The following EYS variants were observed in gnomAD, a reference collection of about 807,000 sequenced individuals.
EYS encodes the protein EGF-like photoreceptor maintenance factor.
EYS carries 250 observed loss-of-function variants against 282.1 expected under a neutral mutation model. That is an observed-to-expected ratio of 0.89 (90% confidence interval 0.80 to 0.98). The LOEUF is 0.98. Ranked by LOEUF, EYS falls within the 50% of genes least tolerant of loss-of-function variation. The pLI, the probability that EYS is intolerant of heterozygous loss-of-function variation, is 0.00. For synonymous variants in EYS, 1,355 were observed against 1,282.9 expected (o/e 1.06, Z -1.20); for missense variants, 4,016 against 3,709.0 (o/e 1.08, Z -2.15).
chr6:65,007,698 C>G (rs1346204832), intron 13 of EYS, among the ~76,000 whole-genome samples: 6 of 151,940 alleles, frequency 3.9e-5, no homozygotes, highest in Non-Finnish European at 8.8e-5. Context: ...GATAAATAAA[C>G]AATTAACCAA....
chr6:65,032,219 T>C (rs1263487853), intron 13 of EYS, among the ~76,000 whole-genome samples: 1 of 152,096 alleles, frequency 6.6e-6, no homozygotes, highest in Non-Finnish European at 1.5e-5. Flanking sequence ...AACAGAGTAA[T>C]AATAATGAGA....
At chr6:64,531,176 A>T (rs1764321200) in intron 26 of EYS, among the ~76,000 whole-genome samples, 1 of 152,200 alleles carries the variant, frequency 6.6e-6, no homozygotes, top group South Asian at 2.1e-4. Flanking sequence ...TTAATAAGTA[A>T]AATTAAAAGA....
At chr6:64,941,178 C>T (rs748408945) in intron 15 of EYS, among the ~76,000 whole-genome samples, 6 of 151,800 alleles carry the variant, frequency 4.0e-5, no homozygotes, top group African/African-American at 9.7e-5. Context: ...ATCAGGAGTT[C>T]GAGACCAGCC....
chr6:65,022,692 T>A lies in EYS; in HGVS notation c.2138-24989A>T, dbSNP rs953617268. 2.0e-5 allele frequency among the ~76,000 whole-genome samples: 3 copies of A among 148,960 alleles called. No homozygotes were observed. The East Asian group carries it at 5.8e-4, about 29-fold the overall frequency. On this transcript the variant is annotated intron_variant, in intron 13 of 42. Coordinates refer to ENST00000503581, the MANE Select transcript of EYS (RefSeq NM_001142800.2). The stretch of plus-strand genomic sequence containing the variant: ...TAAAACTAAATATATTATATATTAA[T>A]ATATATTATTTTTTAAACATAAATA...
At chr6:65,656,371 CCAAA>C (rs1767827842) in intron 1 of EYS, among the ~76,000 whole-genome samples, 1 of 151,820 alleles carries the variant, frequency 6.6e-6, no homozygotes, top group Non-Finnish European at 1.5e-5. Flanking sequence ...GCCTCTTGCA[CCAAA>C]CAGTTAACCA....
At chr6:64,922,632 C>T (rs950933718) in intron 15 of EYS, among the ~76,000 whole-genome samples, 6 of 152,134 alleles carry the variant, frequency 3.9e-5, no homozygotes, top group Admixed American at 6.5e-5. Context: ...AAATTAAATG[C>T]CAGTATTCAC....
intron 22 of EYS, among the ~76,000 whole-genome samples, chr6:64,727,011 C>A (rs952462085): frequency 1.3e-5 from 2 of 152,130 alleles, no homozygotes; most frequent in Non-Finnish European, 2.9e-5. Flanking sequence ...AATCCTGTCA[C>A]CGAATGGTGA....
chr6:64,609,205 C>T (rs1166308794), intron 24 of EYS, among the ~76,000 whole-genome samples: 4 of 152,076 alleles, frequency 2.6e-5, no homozygotes, highest in Admixed American at 2.6e-4. Flanking sequence ...GTACCTAAAG[C>T]TCTTCCAGAA....
intron 36 of EYS, among the ~76,000 whole-genome samples, chr6:63,837,411 T>C (rs1771837388): frequency 6.6e-6 from 1 of 152,072 alleles, no homozygotes; most frequent in African/African-American, 2.4e-5. Context: ...CATTTTCAGT[T>C]AGCATTCTGA....
At chr6:64,419,699 C>A (rs1774167348) in intron 28 of EYS, among the ~76,000 whole-genome samples, 1 of 152,240 alleles carries the variant, frequency 6.6e-6, no homozygotes. Flanking sequence ...TCCTTTGAAG[C>A]CATGTCTCAC....
chr6:64,436,545 G>A (rs1774754572), intron 27 of EYS, among the ~76,000 whole-genome samples: 1 of 151,774 alleles, frequency 6.6e-6, no homozygotes, highest in African/African-American at 2.4e-5. Context: ...GAACATGGTT[G>A]AGAAAAGCAA....
intron 22 of EYS, among the ~76,000 whole-genome samples, chr6:64,685,300 AT>A (rs201949212): frequency 0.13 from 8,671 of 66,990 alleles, 315 homozygotes; most frequent in East Asian, 0.22. Context: ...TAAATACTTG[AT>A]TTAAAAAAAA....
intron 26 of EYS, among the ~76,000 whole-genome samples, chr6:64,537,111 C>T (rs1764540617): frequency 1.3e-5 from 2 of 150,052 alleles, no homozygotes. Flanking sequence ...CACCCACTAA[C>T]TCGTCATCTA....
chr6:65,629,856 A>C (rs948329553), intron 2 of EYS, among the ~76,000 whole-genome samples: 2 of 152,334 alleles, frequency 1.3e-5, no homozygotes, highest in African/African-American at 4.8e-5. Flanking sequence ...TGGAATAAAA[A>C]ATAAAATGAC....
intron 22 of EYS, among the ~76,000 whole-genome samples, chr6:64,653,278 ATTTCAGAC>A: frequency 6.6e-6 from 1 of 152,290 alleles, no homozygotes; most frequent in Admixed American, 6.5e-5. Flanking sequence ...TAACACCTTG[ATTTCAGAC>A]TAGCACCAAA....
At chr6:65,636,650 G>A (rs1365565715) in intron 2 of EYS, among the ~76,000 whole-genome samples, 2 of 151,944 alleles carry the variant, frequency 1.3e-5, no homozygotes, top group Non-Finnish European at 2.9e-5. Context: ...TTTCCCATTA[G>A]TACTTCCTAT....
intron 36 of EYS, among the ~76,000 whole-genome samples, chr6:63,816,112 T>C (rs1771171915): frequency 3.3e-5 from 5 of 152,170 alleles, no homozygotes; most frequent in Admixed American, 3.3e-4. Context: ...AGATTTCATA[T>C]TAATATGGTA....
intron 1 of EYS, among the ~76,000 whole-genome samples, chr6:65,677,197 TAGTACC>T (rs1236770551): frequency 2.7e-5 from 4 of 148,632 alleles, no homozygotes; most frequent in Non-Finnish European, 5.9e-5. Context: ...CTATTCAACA[TAGTACC>T]AGAAGTCCTA....
chr6:64,709,019 T>TACACACACAC (rs36018580), intron 22 of EYS, among the ~76,000 whole-genome samples: 2 of 150,984 alleles, frequency 1.3e-5, no homozygotes, highest in African/African-American at 4.9e-5. Context: ...CATGCACACA[T>TACACACACAC]ACACACACAC....
Sources: gnomAD v4.1 joint callset for allele counts (sites outside exome capture counted in the v4.1 genomes callset) on GRCh38, gnomAD v4.1.1 for gene constraint, MANE v1.5 for transcripts, NCBI Gene and HGNC (gene_info 2026-07-23, HGNC 2026-07-21) for gene names.